Variants in CEP112 observed in about 807,000 individuals in gnomAD.
The protein encoded by CEP112 is centrosomal protein 112, also known as centrosomal protein of 112 kDa.
In CEP112, 127 loss-of-function variants were observed where a neutral mutation model predicts 153.0. The ratio of observed to expected loss-of-function variants is 0.83; its 90% confidence interval spans 0.72 to 0.96. The LOEUF (loss-of-function observed/expected upper bound fraction) is 0.96. Ranked by LOEUF, CEP112 falls within the 40% of genes least tolerant of loss-of-function variation. The pLI, the probability that CEP112 is intolerant of heterozygous loss-of-function variation, is 0.00. For synonymous variants in CEP112, 358 were observed against 374.4 expected (o/e 0.96, Z 0.51); for missense variants, 1,089 against 1,101.2 (o/e 0.99, Z 0.16).
chr17:65,743,964 T>C (rs2051286805), intron 22 of CEP112, among the ~76,000 whole-genome samples: 1 of 152,034 alleles, frequency 6.6e-6, no homozygotes, highest in South Asian at 2.1e-4. Context: ...GGTTTCATAA[T>C]GTTGATCAGG....
chr17:65,840,248 T>A (rs527945824), intron 21 of CEP112, among the ~76,000 whole-genome samples: 1 of 152,156 alleles, frequency 6.6e-6, no homozygotes, highest in African/African-American at 2.4e-5. Context: ...AATTGCACCA[T>A]CAGGCTTCAA....
chr17:65,851,678 A>T, intron 21 of CEP112, 126 bp downstream of exon 21: 2 of 673,676 alleles, frequency 3.0e-6, no homozygotes, highest in Non-Finnish European at 2.5e-6. Flanking sequence ...CCTCGACTGA[A>T]GAGTTTATAC....
chr17:66,002,749 T>A (rs1195818328), intron 17 of CEP112, among the ~76,000 whole-genome samples: 4 of 152,162 alleles, frequency 2.6e-5, no homozygotes, highest in Non-Finnish European at 4.4e-5. Context: ...ATATCCCAGT[T>A]TTCTCTGATA....
intron 14 of CEP112, 148 bp downstream of exon 14, chr17:66,028,975 G>A (rs11651820): frequency 0.49 from 297,408 of 612,250 alleles, 77,719 homozygotes; most frequent in African/African-American, 0.59. Context: ...TTAAATACCA[G>A]TAAAAATTCC....
chr17:65,722,403 C>T (rs1290119359), intron 23 of CEP112, among the ~76,000 whole-genome samples: 1 of 152,270 alleles, frequency 6.6e-6, no homozygotes, highest in East Asian at 1.9e-4. Context: ...CACACACCAC[C>T]ACACCCAGCT....
intron 6 of CEP112, among the ~76,000 whole-genome samples, chr17:66,115,150 A>G (rs936987328): frequency 6.6e-6 from 1 of 152,124 alleles, no homozygotes; most frequent in Non-Finnish European, 1.5e-5. Context: ...GGTTGCAGTG[A>G]GCCAAGATCA....
chr17:65,741,097 C>T (rs548513843), intron 23 of CEP112, among the ~76,000 whole-genome samples: 1 of 152,230 alleles, frequency 6.6e-6, no homozygotes, highest in East Asian at 1.9e-4. Context: ...GTTATTTAAC[C>T]TCATAGTCAC....
At chr17:66,114,674 A>G (rs2069201856) in intron 6 of CEP112, among the ~76,000 whole-genome samples, 1 of 152,184 alleles carries the variant, frequency 6.6e-6, no homozygotes, top group Admixed American at 6.5e-5. Context: ...TTACAATACT[A>G]TATTCCAAAA....
chr17:65,682,983 C>T (rs1567858198), intron 24 of CEP112, among the ~76,000 whole-genome samples: 1 of 152,172 alleles, frequency 6.6e-6, no homozygotes, highest in Non-Finnish European at 1.5e-5. Flanking sequence ...GATTAGGAAT[C>T]CATTATCCAG....
chr17:65,774,086 CAAA>C (rs10647121), intron 21 of CEP112, among the ~76,000 whole-genome samples: 1 of 125,674 alleles, frequency 8.0e-6, no homozygotes. Context: ...GGCTCCATCT[CAAA>C]AAAAAAAAAA....
intron 17 of CEP112, among the ~76,000 whole-genome samples, chr17:65,997,679 GGTTT>G (rs762573934): frequency 8.6e-5 from 13 of 151,598 alleles, no homozygotes; most frequent in Non-Finnish European, 1.3e-4. Context: ...AAACTTTATT[GGTTT>G]GTCTTTATTA....
chr17:66,093,761 A>T (rs2068232092), intron 8 of CEP112, among the ~76,000 whole-genome samples: 1 of 152,174 alleles, frequency 6.6e-6, no homozygotes, highest in South Asian at 2.1e-4. Flanking sequence ...ATCCAAAGCA[A>T]TCTATATATT....
chr17:66,188,229 A>T (rs556403911), intron 1 of CEP112, among the ~76,000 whole-genome samples: 2 of 151,896 alleles, frequency 1.3e-5, no homozygotes, highest in South Asian at 2.1e-4. Flanking sequence ...ATCCAAACCC[A>T]AAGTTAGGCA....
intron 17 of CEP112, among the ~76,000 whole-genome samples, chr17:65,999,450 C>T (rs1381781994): frequency 6.6e-6 from 1 of 152,110 alleles, no homozygotes; most frequent in Non-Finnish European, 1.5e-5. Context: ...ATTTGCCCAC[C>T]TCGGCCTCCC....
chr17:66,070,651 T>C (rs1369423821), intron 8 of CEP112, among the ~76,000 whole-genome samples: 1 of 152,120 alleles, frequency 6.6e-6, no homozygotes, highest in Non-Finnish European at 1.5e-5. Flanking sequence ...AAGCCAAAAA[T>C]GTAACCAATC....
In CEP112 at chr17:65,978,452, G is replaced by A. The variant is rs995132898; in HGVS notation, c.1737-16854C>T. 9.9e-5 allele frequency among the ~76,000 whole-genome samples: 15 copies of A among 152,234 alleles called. 1 individual carries two copies. The highest frequency in any genetic ancestry group is 4.1e-4 in the South Asian group (2 of 4,834). ...CCCAGCTCGGTCACGTGCCAACTTT[G>A]CAATATTGGTCAAATTGCTTGAACA... is the stretch of plus-strand genomic sequence containing the variant. On this transcript the variant is annotated intron_variant, in intron 17 of 26. Coordinates refer to ENST00000535342, the MANE Select transcript of CEP112 (RefSeq NM_001199165.4).
chr17:65,818,581 T>C (rs1354003954), intron 21 of CEP112, among the ~76,000 whole-genome samples: 1 of 151,884 alleles, frequency 6.6e-6, no homozygotes, highest in African/African-American at 2.4e-5. Flanking sequence ...AATTTTGTGA[T>C]AACTTTCTCC....
intron 21 of CEP112, among the ~76,000 whole-genome samples, 170 bp downstream of exon 21, chr17:65,851,634 T>C (rs1294046558): frequency 6.6e-6 from 1 of 152,228 alleles, no homozygotes; most frequent in Non-Finnish European, 1.5e-5. Flanking sequence ...ATTATTTTAC[T>C]GGTACTTAGA....
At position 66,028,406 on chromosome 17, in the gene CEP112, C is replaced by A; in HGVS notation, c.1504-1G>T. The A allele has an allele frequency of 6.6e-7, 1 of 1,515,090 alleles. No homozygotes were observed. Among genetic ancestry groups the A allele is most frequent in the Non-Finnish European group, 9.0e-7 (1 of 1,110,868 alleles). 93.9% of individuals were successfully genotyped at this position (1,515,090 alleles called of 1,614,324 possible). On this transcript the variant is annotated splice_acceptor_variant, in intron 14 of 26. Transcript: ENST00000535342. LOFTEE classifies it high-confidence loss of function. ...CTAATTCTTCAATCATACTAGATGC[C>A]TACAAGGATTTTAAGAAGAATAAAA...
Sources: gnomAD v4.1 joint callset for allele counts (sites outside exome capture counted in the v4.1 genomes callset) on GRCh38, gnomAD v4.1.1 for gene constraint, MANE v1.5 for transcripts, NCBI Gene and HGNC (gene_info 2026-07-23, HGNC 2026-07-21) for gene names.